The following TBC1D1 variants were observed in gnomAD, a reference collection of about 807,000 sequenced individuals.
The protein encoded by TBC1D1 is TBC1 (tre-2/USP6, BUB2, cdc16) domain family, member 1.
In TBC1D1, 89 loss-of-function variants were observed where a neutral mutation model predicts 125.6. The ratio of observed to expected loss-of-function variants is 0.71; its 90% confidence interval spans 0.60 to 0.85. The LOEUF (loss-of-function observed/expected upper bound fraction) is 0.85. TBC1D1 is among the 40% of genes least tolerant of loss of function. TBC1D1 has a pLI of 0.00. For missense variants in TBC1D1, 1,377 were observed against 1,469.2 expected, an observed-to-expected ratio of 0.94 and a Z score of 1.03; for synonymous variants, 565 against 564.1, an observed-to-expected ratio of 1.00 and a Z score of -0.02.
At chr4:38,133,930 C>T (rs1253014500) in intron 19 of TBC1D1, among the ~76,000 whole-genome samples, 3 of 152,232 alleles carry the variant, frequency 2.0e-5, no homozygotes, top group African/African-American at 7.2e-5. Flanking sequence ...CCCAGGCACA[C>T]TGCCCAAAAG....
At chr4:38,102,209 G>A (rs189161717) in intron 14 of TBC1D1, among the ~76,000 whole-genome samples, 1,889 of 151,464 alleles carry the variant, frequency 0.012, 42 homozygotes, top group African/African-American at 0.042. Context: ...AAACCTGCAC[G>A]TTGTGCACAT....
At chr4:38,020,905 T>A in intron 5 of TBC1D1, 3 of 407,672 alleles carry the variant, frequency 7.4e-6, no homozygotes, top group East Asian at 9.3e-5. Context: ...CTGAAGAACT[T>A]GTTTAGTGTC....
chr4:37,938,701 G>T (rs914840103), intron 2 of TBC1D1, among the ~76,000 whole-genome samples: 1 of 151,966 alleles, frequency 6.6e-6, no homozygotes, highest in Non-Finnish European at 1.5e-5. Flanking sequence ...CCCATGACAG[G>T]TGTGTGATGT....
intron 15 of TBC1D1, among the ~76,000 whole-genome samples, chr4:38,103,937 A>G (rs1176460959): frequency 6.6e-6 from 1 of 151,930 alleles, no homozygotes; most frequent in Admixed American, 6.6e-5. Flanking sequence ...AGGCTGGTGG[A>G]TCATGAAGTC....
At chr4:37,898,890 A>G (rs536548575) in intron 1 of TBC1D1, among the ~76,000 whole-genome samples, 9 of 152,288 alleles carry the variant, frequency 5.9e-5, no homozygotes, top group African/African-American at 2.2e-4. Context: ...GGGAACCATA[A>G]CTAGTTCTCT....
intron 12 of TBC1D1, among the ~76,000 whole-genome samples, chr4:38,064,980 G>C (rs1289034584): frequency 6.6e-6 from 1 of 151,672 alleles, no homozygotes; most frequent in Non-Finnish European, 1.5e-5. Context: ...ACCCAGGCTG[G>C]AGTGCAGGGG....
At chr4:38,067,353 C>G (rs1031834719) in intron 12 of TBC1D1, among the ~76,000 whole-genome samples, 2 of 152,156 alleles carry the variant, frequency 1.3e-5, no homozygotes, top group African/African-American at 4.8e-5. Flanking sequence ...GGAGAATGTT[C>G]GATGAACAGC....
At chr4:38,053,192 A>G (rs1751062526) in intron 11 of TBC1D1, 2 of 1,528,122 alleles carry the variant, frequency 1.3e-6, no homozygotes, top group Non-Finnish European at 1.8e-6. Flanking sequence ...CCTGTAGATG[A>G]AAATAACACC....
At chr4:37,904,298 G>C (rs560765948) in intron 2 of TBC1D1, among the ~76,000 whole-genome samples, 2 of 152,202 alleles carry the variant, frequency 1.3e-5, no homozygotes, top group Non-Finnish European at 2.9e-5. Context: ...AGTGCCTTCA[G>C]CTTTCAAAGA....
intron 15 of TBC1D1, chr4:38,110,763 C>T (rs1433098086): frequency 2.0e-6 from 2 of 985,326 alleles, no homozygotes; most frequent in Admixed American, 1.2e-4. Context: ...TTTAAAGAGG[C>T]AGGCCTCATA....
At position 38,011,341 on chromosome 4, in the gene TBC1D1, G is replaced by A. The variant is rs977607460; in HGVS notation, c.418-3168G>A. ...GCACTCCAGCCTGGGCAACAAGAGCGAAACTCCATCTCAAAAAAAAAAAAA... is the reference window on the plus strand; with the variant it reads ...GCACTCCAGCCTGGGCAACAAGAGCAAAACTCCATCTCAAAAAAAAAAAAA... On this transcript the variant is annotated intron_variant, in intron 2 of 19. Transcript: ENST00000261439. 1.3e-3 allele frequency among the ~76,000 whole-genome samples: 170 copies of A among 128,488 alleles called. 2 individuals are homozygous for A. Among genetic ancestry groups the A allele is most frequent in the Non-Finnish European group, 1.1e-3 (66 of 62,032 alleles). The allele number at this position is 128,488 out of a possible 152,430, so 84.3% of individuals were successfully genotyped here.
At chr4:37,951,738 G>A (rs1447885941) in intron 2 of TBC1D1, among the ~76,000 whole-genome samples, 1 of 152,192 alleles carries the variant, frequency 6.6e-6, no homozygotes, top group Non-Finnish European at 1.5e-5. Context: ...AGAAGTCAGA[G>A]TATTTGTTCA....
intron 9 of TBC1D1, among the ~76,000 whole-genome samples, chr4:38,045,085 A>C (rs1021388244): frequency 2.0e-5 from 3 of 152,230 alleles, no homozygotes; most frequent in Non-Finnish European, 4.4e-5. Flanking sequence ...AAAGTTTGCC[A>C]AATATAGCTC....
At chr4:37,936,027 A>C (rs1724316646) in intron 2 of TBC1D1, among the ~76,000 whole-genome samples, 1 of 152,152 alleles carries the variant, frequency 6.6e-6, no homozygotes, top group African/African-American at 2.4e-5. Context: ...AAACTAGGTA[A>C]GGTATTCCTG....
intron 15 of TBC1D1, among the ~76,000 whole-genome samples, chr4:38,103,695 A>G (rs981559103): frequency 3.9e-5 from 6 of 152,206 alleles, no homozygotes; most frequent in African/African-American, 1.4e-4. Context: ...TCAGCCCTCC[A>G]TATCTATGGG....
intron 2 of TBC1D1, among the ~76,000 whole-genome samples, chr4:37,922,043 C>T (rs1283291167): frequency 6.6e-6 from 1 of 152,136 alleles, no homozygotes; most frequent in Non-Finnish European, 1.5e-5. Context: ...AGCCTCTTTT[C>T]CTGTTTTTAT....
In TBC1D1 at chr4:38,014,970, C is replaced by T; in HGVS notation, c.879C>T (p.Phe293=). Residue 293 remains phenylalanine, a synonymous_variant, in exon 3 of 20, where the codon TTC becomes TTT. Coordinates refer to ENST00000261439, the MANE Select transcript of TBC1D1 (RefSeq NM_015173.4). This position sits in a 1 kb window ranked among gnomAD's most constrained non-coding sequence, Gnocchi z 5.1. ...TCGAGGAAAATCGAACTATGCTCTT[C>T]ACGGTAAAATATCACCCAGCTCGTG... 6.5e-7 allele frequency: 1 copy of T among 1,531,716 alleles called. No homozygotes were observed. Among genetic ancestry groups the T allele is most frequent in the Non-Finnish European group, 8.8e-7 (1 of 1,136,818 alleles). 94.9% of individuals were successfully genotyped at this position (1,531,716 alleles called of 1,614,324 possible).
At chr4:38,120,948 GA>G (rs1763747855) in intron 17 of TBC1D1, among the ~76,000 whole-genome samples, 1 of 152,180 alleles carries the variant, frequency 6.6e-6, no homozygotes, top group Non-Finnish European at 1.5e-5. Context: ...GAGGGAGGAG[GA>G]GGAGTATAAA....
intron 12 of TBC1D1, among the ~76,000 whole-genome samples, chr4:38,068,163 G>A (rs1404129936): frequency 6.6e-6 from 1 of 152,120 alleles, no homozygotes; most frequent in African/African-American, 2.4e-5. Flanking sequence ...AAGGAGGAAA[G>A]GGTGACCCCT....
Sources: gnomAD v4.1 joint callset for allele counts (sites outside exome capture counted in the v4.1 genomes callset) on GRCh38, gnomAD v4.1.1 for gene constraint, Gnocchi (gnomAD v3.1) non-coding constraint, MANE v1.5 for transcripts, NCBI Gene and HGNC (gene_info 2026-07-23, HGNC 2026-07-21) for gene names.